DZIP3: variants seen among roughly 807,000 people sequenced by gnomAD.
DZIP3 encodes DAZ interacting zinc finger protein 3.
A neutral mutation model predicts 162.0 loss-of-function variants in DZIP3; 118 were observed. The observed-to-expected ratio is 0.73, with a 90% CI of 0.63 to 0.85. The LOEUF (loss-of-function observed/expected upper bound fraction) is 0.85. Ranked by LOEUF, DZIP3 falls within the 40% of genes least tolerant of loss-of-function variation. DZIP3 has a pLI of 0.00. For missense variants in DZIP3, 1,331 were observed against 1,407.0 expected (o/e 0.95, Z 0.86); for synonymous variants, 438 against 458.6 (o/e 0.96, Z 0.57).
intron 8 of DZIP3, among the ~76,000 whole-genome samples, chr3:108,631,050 C>CACACACAT (rs1553705333): frequency 8.9e-6 from 1 of 112,044 alleles, no homozygotes; most frequent in African/African-American, 3.5e-5. Flanking sequence ...CACACACACA[C>CACACACAT]ACACACTCTC....
At chr3:108,607,977 A>G (rs1940474076) in intron 2 of DZIP3, 112 bp from the exon 3 acceptor site, 3 of 876,866 alleles carry the variant, frequency 3.4e-6, no homozygotes, top group Non-Finnish European at 5.6e-6. Flanking sequence ...AGTCTTTGAT[A>G]CATTTTGGTT....
chr3:108,680,225 G>T (rs901319857), intron 26 of DZIP3, among the ~76,000 whole-genome samples: 3 of 151,962 alleles, frequency 2.0e-5, no homozygotes, highest in African/African-American at 7.2e-5. Context: ...TTTCCTCTGA[G>T]ATCTGAAACA....
At chr3:108,680,847 A>G (rs964008915) in intron 26 of DZIP3, among the ~76,000 whole-genome samples, 4 of 152,190 alleles carry the variant, frequency 2.6e-5, no homozygotes, top group African/African-American at 9.6e-5. Flanking sequence ...ACAACAAGCA[A>G]TGGGGAAAAG....
chr3:108,616,356 C>T (rs746601501), intron 4 of DZIP3, among the ~76,000 whole-genome samples, 185 bp from the exon 5 acceptor site: 2 of 150,158 alleles, frequency 1.3e-5, no homozygotes, highest in African/African-American at 2.4e-5. Flanking sequence ...CGACATTCAT[C>T]GGACTACTTA....
chr3:108,619,272 GTGTGTGTATGTGTGTGGGTATA>G (rs1941198256), intron 5 of DZIP3, among the ~76,000 whole-genome samples: 4 of 150,580 alleles, frequency 2.7e-5, no homozygotes, highest in Non-Finnish European at 4.4e-5. Context: ...TTTTTGCTGT[GTGTGTGTATGTGTGTGGGTATA>G]TGTGTGTATG....
chr3:108,635,276 C>T, intron 10 of DZIP3: 1 of 224,142 alleles, frequency 4.5e-6, no homozygotes, highest in South Asian at 7.8e-5. Context: ...AATGTATACT[C>T]TTAAGAATAG....
chr3:108,615,525 C>A (rs1940957098), intron 4 of DZIP3, among the ~76,000 whole-genome samples: 1 of 151,832 alleles, frequency 6.6e-6, no homozygotes. Flanking sequence ...GCTAGGGAGA[C>A]TGAAATAAAG....
intron 1 of DZIP3, among the ~76,000 whole-genome samples, chr3:108,604,289 T>A (rs977128839): frequency 6.6e-6 from 1 of 152,180 alleles, no homozygotes. Flanking sequence ...GCAGCCTACG[T>A]CCATTTTATT....
At chr3:108,684,183 GT>G in intron 26 of DZIP3, 32 bp from the exon 27 acceptor site, 1 of 1,568,154 alleles carries the variant, frequency 6.4e-7, no homozygotes, top group Non-Finnish European at 8.6e-7. Flanking sequence ...GGGGGGGGGT[GT>G]TGTTTATTAT....
Position 108,644,688 on chromosome 3 carries a change from G to A in DZIP3, c.1666G>A (p.Glu556Lys). The A allele has an allele frequency of 6.2e-7, 1 of 1,613,638 alleles. No individual in the cohort carries two copies. Among genetic ancestry groups the A allele is most frequent in the South Asian group, 1.1e-5 (1 of 91,078 alleles). The change falls in exon 14 of 33, where the codon GAG becomes AAG. Residue 556 changes from glutamate (E) to lysine (K), a missense_variant. This residue lies in a region of DZIP3 where 1,278 missense variants were observed against 1,317.1 expected (regional missense o/e 0.97). Transcript: ENST00000361582. ...DIDKVKENPI[E>K]NISLDYHQLS... ...TGACAAAGTGAAGGAGAATCCCATTGAGAATATCTCCCTTGATTACCATCA... is the reference window on the plus strand; with the variant it reads ...TGACAAAGTGAAGGAGAATCCCATTAAGAATATCTCCCTTGATTACCATCA...
chr3:108,659,468 G>A (rs1943314346), intron 19 of DZIP3, among the ~76,000 whole-genome samples: 1 of 152,170 alleles, frequency 6.6e-6, no homozygotes, highest in South Asian at 2.1e-4. Context: ...CAATAAATTA[G>A]GTATTGATGG....
At chr3:108,674,298 G>T in intron 24 of DZIP3, 117 bp downstream of exon 24, 1 of 795,630 alleles carries the variant, frequency 1.3e-6, no homozygotes. Context: ...TCTTAAAGAA[G>T]CTCTTGTGGT....
intron 21 of DZIP3, among the ~76,000 whole-genome samples, chr3:108,663,683 A>G (rs1207131651): frequency 6.6e-6 from 1 of 152,224 alleles, no homozygotes; most frequent in African/African-American, 2.4e-5. Context: ...ATCAATGCAG[A>G]TGAGCTACCT....
At chr3:108,639,717 T>A (rs1008946090) in intron 12 of DZIP3, among the ~76,000 whole-genome samples, 2 of 152,056 alleles carry the variant, frequency 1.3e-5, no homozygotes, top group African/African-American at 4.8e-5. Flanking sequence ...ATCAATTTTG[T>A]TGATCTTTTC....
chr3:108,631,055 A>ACACACACACACACACACACAGACACT, intron 8 of DZIP3, among the ~76,000 whole-genome samples: 3 of 18,014 alleles, frequency 1.7e-4, no homozygotes. Flanking sequence ...ACACACACAC[A>ACACACACACACACACACACAGACACT]CTCTCTCTCT....
chr3:108,630,405 A>G (rs1941776843), intron 8 of DZIP3, among the ~76,000 whole-genome samples: 1 of 152,142 alleles, frequency 6.6e-6, no homozygotes, highest in Non-Finnish European at 1.5e-5. Flanking sequence ...GGAAGATATG[A>G]TAACTCAAAT....
At chr3:108,632,518 C>T (rs957117746) in intron 8 of DZIP3, among the ~76,000 whole-genome samples, 3 of 152,236 alleles carry the variant, frequency 2.0e-5, no homozygotes, top group African/African-American at 7.2e-5. Context: ...GCATATTGCA[C>T]TACCACAGTG....
chr3:108,649,784 T>C (rs1007162795), intron 17 of DZIP3, among the ~76,000 whole-genome samples: 1 of 151,810 alleles, frequency 6.6e-6, no homozygotes. Context: ...AGTCAAGATT[T>C]AAAAAAGAAT....
chr3:108,634,850 C>T (rs1432331250), intron 9 of DZIP3, 21 bp from the exon 10 acceptor site: 2 of 1,525,546 alleles, frequency 1.3e-6, no homozygotes, highest in Non-Finnish European at 1.8e-6. Flanking sequence ...TTATTGATAA[C>T]TTACTTTTAT....
Sources: gnomAD v4.1 joint callset for allele counts (sites outside exome capture counted in the v4.1 genomes callset) on GRCh38, gnomAD v4.1.1 for gene constraint, gnomAD v4.1.1 regional missense constraint, MANE v1.5 for transcripts, NCBI Gene and HGNC (gene_info 2026-07-23, HGNC 2026-07-21) for gene names.